Variants in GPC5 observed in about 807,000 individuals in gnomAD.
GPC5 encodes the protein glypican 5.
GPC5 carries 47 observed loss-of-function variants against 53.9 expected under a neutral mutation model. That is an observed-to-expected ratio of 0.87 (90% CI 0.69 to 1.11). The LOEUF (loss-of-function observed/expected upper bound fraction) is 1.11. Ranked by LOEUF, GPC5 falls within the 50% of genes most tolerant of loss-of-function variation. The pLI is 0.00. For synonymous variants in GPC5, 286 were observed against 263.3 expected (o/e 1.09, Z -0.84); for missense variants, 748 against 713.1 (o/e 1.05, Z -0.56).
At chr13:92,163,480 A>G (rs968908112) in intron 7 of GPC5, among the ~76,000 whole-genome samples, 2 of 148,910 alleles carry the variant, frequency 1.3e-5, no homozygotes, top group Admixed American at 1.3e-4. Context: ...AAAAAAAAAG[A>G]TGGAAAGAAA....
At chr13:91,402,863 T>C (rs1470416927) in intron 1 of GPC5, among the ~76,000 whole-genome samples, 1 of 152,240 alleles carries the variant, frequency 6.6e-6, no homozygotes, top group Non-Finnish European at 1.5e-5. Context: ...TCTAAAGTGA[T>C]ATCCGTTACA....
chr13:91,567,437 A>T (rs2031585122), intron 2 of GPC5, among the ~76,000 whole-genome samples: 1 of 152,178 alleles, frequency 6.6e-6, no homozygotes, highest in Admixed American at 6.5e-5. Context: ...CAGAGGTCAA[A>T]GGTTATAGCA....
At chr13:92,301,829 C>A (rs939503174) in intron 7 of GPC5, among the ~76,000 whole-genome samples, 3 of 152,076 alleles carry the variant, frequency 2.0e-5, no homozygotes, top group African/African-American at 7.2e-5. Context: ...ACCCAGGAGG[C>A]AGAGGTTGCA....
At chr13:91,526,289 T>C (rs1048257506) in intron 2 of GPC5, among the ~76,000 whole-genome samples, 2 of 152,176 alleles carry the variant, frequency 1.3e-5, no homozygotes, top group African/African-American at 2.4e-5. Flanking sequence ...AAATACACTA[T>C]GCTAGATACT....
At chr13:92,413,922 CAT>C (rs1253636686) in intron 7 of GPC5, among the ~76,000 whole-genome samples, 1 of 152,162 alleles carries the variant, frequency 6.6e-6, no homozygotes, top group Non-Finnish European at 1.5e-5. Flanking sequence ...CTAAGGATGA[CAT>C]AATCTATCAA....
intron 7 of GPC5, among the ~76,000 whole-genome samples, chr13:92,671,670 G>A (rs578252256): frequency 9.2e-5 from 14 of 152,260 alleles, no homozygotes; most frequent in South Asian, 6.2e-4. Flanking sequence ...AGAGACTGTG[G>A]TTATTCACAG....
At chr13:92,611,575 A>G (rs747657749) in intron 7 of GPC5, among the ~76,000 whole-genome samples, 2 of 148,482 alleles carry the variant, frequency 1.3e-5, no homozygotes, top group Non-Finnish European at 2.9e-5. Context: ...GGAATCTGTT[A>G]GTAGTCCTCA....
intron 7 of GPC5, among the ~76,000 whole-genome samples, chr13:92,209,354 A>G (rs1210747970): frequency 2.0e-5 from 3 of 152,176 alleles, no homozygotes; most frequent in Non-Finnish European, 4.4e-5. Flanking sequence ...AAGTGGGAAT[A>G]TTAGGTCACC....
chr13:91,895,901 G>T (rs1336515962), intron 5 of GPC5, among the ~76,000 whole-genome samples: 2 of 151,976 alleles, frequency 1.3e-5, no homozygotes, highest in African/African-American at 4.8e-5. Context: ...TCCCTCTAAT[G>T]GTTCTAGGAG....
intron 7 of GPC5, among the ~76,000 whole-genome samples, chr13:92,242,372 CT>C (rs2042619385): frequency 6.6e-6 from 1 of 152,076 alleles, no homozygotes; most frequent in Non-Finnish European, 1.5e-5. Context: ...GTCAACAACC[CT>C]ACTTGTAGAC....
intron 7 of GPC5, among the ~76,000 whole-genome samples, chr13:92,174,553 AAAAC>A (rs1365386696): frequency 6.6e-6 from 1 of 150,654 alleles, no homozygotes; most frequent in East Asian, 1.9e-4. Context: ...AAAAAAAACA[AAAAC>A]AACAACAACA....
At chr13:91,518,075 T>TTATA (rs1885599348) in intron 2 of GPC5, among the ~76,000 whole-genome samples, 1 of 152,204 alleles carries the variant, frequency 6.6e-6, no homozygotes, top group South Asian at 2.1e-4. Flanking sequence ...ATTCACACTG[T>TTATA]TATAGGGTCC....
At chr13:91,442,551 C>A (rs1168182428) in intron 1 of GPC5, among the ~76,000 whole-genome samples, 2 of 152,168 alleles carry the variant, frequency 1.3e-5, no homozygotes, top group Non-Finnish European at 2.9e-5. Context: ...TCTTTCTTTT[C>A]CTTATGTATC....
At chr13:91,968,485 G>A (rs2040210741) in intron 6 of GPC5, among the ~76,000 whole-genome samples, 1 of 151,638 alleles carries the variant, frequency 6.6e-6, no homozygotes, top group African/African-American at 2.4e-5. Context: ...GTTTTGAGAT[G>A]GAGTCTTGCT....
intron 7 of GPC5, among the ~76,000 whole-genome samples, chr13:92,462,842 G>A (rs1212159724): frequency 1.3e-5 from 2 of 151,088 alleles, no homozygotes; most frequent in Admixed American, 1.3e-4. Context: ...TCAGCCTCCC[G>A]AGTAGGTGGG....
intron 7 of GPC5, among the ~76,000 whole-genome samples, chr13:92,461,808 G>C (rs180999081): frequency 6.6e-6 from 1 of 152,286 alleles, no homozygotes; most frequent in Admixed American, 6.5e-5. Context: ...CAACTTCTCA[G>C]CCTCCAGAAC....
At chr13:91,889,333 G>A (rs757778444) in intron 5 of GPC5, among the ~76,000 whole-genome samples, 1 of 152,088 alleles carries the variant, frequency 6.6e-6, no homozygotes, top group Non-Finnish European at 1.5e-5. Flanking sequence ...ATAAACTATG[G>A]ATGGGACAGT....
intron 7 of GPC5, among the ~76,000 whole-genome samples, chr13:92,415,511 A>G (rs1876246755): frequency 6.6e-6 from 1 of 152,126 alleles, no homozygotes; most frequent in Non-Finnish European, 1.5e-5. Flanking sequence ...TTCACTCTTG[A>G]CTGAGAATCA....
At chr13:92,804,327 A>C (rs1877016226) in intron 7 of GPC5, among the ~76,000 whole-genome samples, 1 of 151,944 alleles carries the variant, frequency 6.6e-6, no homozygotes, top group African/African-American at 2.4e-5. Context: ...TGTGAGTAAA[A>C]AGACATCTTA....
Sources: allele counts gnomAD v4.1 joint callset (sites outside exome capture counted in the v4.1 genomes callset), GRCh38; gene constraint gnomAD v4.1.1; transcripts MANE v1.5; gene names NCBI Gene and HGNC (gene_info 2026-07-23, HGNC 2026-07-21).